CLASP1: variants seen among roughly 807,000 people sequenced by gnomAD.
CLASP1 encodes the protein cytoplasmic linker associated protein 1, also known as CLIP-associating protein 1.
A neutral mutation model predicts 192.3 loss-of-function variants in CLASP1; 38 were observed. That is an observed-to-expected ratio of 0.20 (90% CI 0.15 to 0.26). CLASP1 has a LOEUF of 0.26. Ranked by LOEUF, CLASP1 falls within the 10% of genes least tolerant of loss-of-function variation. CLASP1 has a pLI of 1.00. For synonymous variants in CLASP1, 691 were observed against 712.8 expected (o/e 0.97, Z 0.49); for missense variants, 1,433 against 1,932.5 (o/e 0.74, Z 4.85).
intron 2 of CLASP1, among the ~76,000 whole-genome samples, chr2:121,534,460 G>A (rs1329941504): frequency 3.3e-5 from 5 of 152,194 alleles, no homozygotes; most frequent in Admixed American, 1.3e-4. Context: ...AAAAACACAA[G>A]TCATTTCTGG....
intron 30 of CLASP1, among the ~76,000 whole-genome samples, chr2:121,389,708 A>G (rs548626553): frequency 5.9e-5 from 9 of 152,324 alleles, no homozygotes; most frequent in Non-Finnish European, 1.0e-4. Flanking sequence ...TTAAGAGACA[A>G]TATTTCTTCC....
At chr2:121,530,936 A>T (rs72969388) in intron 2 of CLASP1, 2 of 700,432 alleles carry the variant, frequency 2.9e-6, no homozygotes, top group Non-Finnish European at 5.2e-6. Context: ...TGAGGGCAGT[A>T]CTGCTAACGC....
At chr2:121,385,407 T>C (rs2072978226) in intron 32 of CLASP1, among the ~76,000 whole-genome samples, 1 of 152,238 alleles carries the variant, frequency 6.6e-6, no homozygotes. Flanking sequence ...CTACTGAATA[T>C]TGAAAATAAA....
At chr2:121,373,127 G>A (rs751457897) in intron 34 of CLASP1, among the ~76,000 whole-genome samples, 12 of 152,204 alleles carry the variant, frequency 7.9e-5, no homozygotes, top group African/African-American at 1.9e-4. Flanking sequence ...GAGGTAATTC[G>A]ATCACGGGGG....
At chr2:121,613,970 G>A (rs529969550) in intron 1 of CLASP1, among the ~76,000 whole-genome samples, 1 of 152,178 alleles carries the variant, frequency 6.6e-6, no homozygotes, top group Non-Finnish European at 1.5e-5. Context: ...CTCTACAATG[G>A]TGTCACTCAC....
intron 1 of CLASP1, among the ~76,000 whole-genome samples, chr2:121,627,968 T>C (rs2106186531): frequency 6.6e-6 from 1 of 152,316 alleles, no homozygotes; most frequent in Non-Finnish European, 1.5e-5. Context: ...TTTCAAATAC[T>C]ATGAAATACT....
chr2:121,531,227 T>G (rs189426827), intron 2 of CLASP1, among the ~76,000 whole-genome samples: 1 of 152,196 alleles, frequency 6.6e-6, no homozygotes, highest in Non-Finnish European at 1.5e-5. Context: ...AACTTCCTTA[T>G]GCTGAGTCAG....
At chr2:121,563,326 G>C (rs1011571142) in intron 2 of CLASP1, among the ~76,000 whole-genome samples, 1 of 152,160 alleles carries the variant, frequency 6.6e-6, no homozygotes, top group African/African-American at 2.4e-5. Flanking sequence ...CATTGAAAAA[G>C]GAGATGTATA....
At chr2:121,401,109 T>C (rs2076101407) in intron 28 of CLASP1, among the ~76,000 whole-genome samples, 1 of 152,200 alleles carries the variant, frequency 6.6e-6, no homozygotes, top group Non-Finnish European at 1.5e-5. Context: ...CCTGGACCAA[T>C]GGAAACTCTA....
At position 121,578,829 on chromosome 2, in the gene CLASP1, A is replaced by G. The variant is rs2060826860; in HGVS notation, c.195+26872T>C. 2.6e-5 allele frequency among the ~76,000 whole-genome samples: 4 copies of G among 152,154 alleles called. No individual in the cohort carries two copies. In the South Asian group the frequency reaches 8.3e-4, roughly 31 times the overall value. On this transcript the variant is annotated intron_variant, in intron 2 of 39. Coordinates refer to ENST00000263710, the Ensembl canonical transcript of CLASP1. ...AGCACAAGCATTTGGAAGTGACAGTAAGAGGAATTAAAAACACACACACAC... is the reference window on the plus strand; with the variant it reads ...AGCACAAGCATTTGGAAGTGACAGTGAGAGGAATTAAAAACACACACACAC...
chr2:121,348,434 GCA>G, intron 38 of CLASP1, 76 bp downstream of exon 39: 1 of 1,311,930 alleles, frequency 7.6e-7, no homozygotes, highest in Non-Finnish European at 1.0e-6. Context: ...TGAAGGAGGA[GCA>G]CAAAGCCCTT....
chr2:121,339,778 T>A (rs1369265783), exon 40 of CLASP1: 1 of 152,052 alleles, frequency 6.6e-6, no homozygotes, highest in Non-Finnish European at 1.5e-5. Flanking sequence ...TTTATAAAAT[T>A]AAAAAAAATT....
At chr2:121,390,490 G>A (rs1361374257) in intron 30 of CLASP1, among the ~76,000 whole-genome samples, 1 of 152,180 alleles carries the variant, frequency 6.6e-6, no homozygotes, top group Non-Finnish European at 1.5e-5. Context: ...CCTCATAGAG[G>A]AATTTGAGAG....
At chr2:121,507,588 C>T (rs2093980644) in intron 7 of CLASP1, among the ~76,000 whole-genome samples, 1 of 152,106 alleles carries the variant, frequency 6.6e-6, no homozygotes, top group Non-Finnish European at 1.5e-5. Context: ...GCATCTACCA[C>T]GTTGAAAAAT....
intron 30 of CLASP1, among the ~76,000 whole-genome samples, chr2:121,388,958 A>G (rs2073849937): frequency 1.3e-5 from 2 of 152,220 alleles, no homozygotes; most frequent in Admixed American, 1.3e-4. Context: ...GCTTGCAGAG[A>G]AATTCTTTTG....
intron 2 of CLASP1, among the ~76,000 whole-genome samples, chr2:121,573,899 T>C (rs7599299): frequency 0.25 from 37,938 of 152,158 alleles, 7,515 homozygotes; most frequent in African/African-American, 0.55. Flanking sequence ...TATTTTCTCT[T>C]ACCACACATA....
chr2:121,630,860 CA>C (rs35476221), intron 1 of CLASP1, among the ~76,000 whole-genome samples: 148 of 78,420 alleles, frequency 1.9e-3, no homozygotes, highest in Middle Eastern at 0.011. Flanking sequence ...AACTACGTCT[CA>C]AAAAAAAAAA....
intron 2 of CLASP1, among the ~76,000 whole-genome samples, chr2:121,531,334 G>A (rs1274480197): frequency 6.6e-6 from 1 of 152,146 alleles, no homozygotes; most frequent in East Asian, 1.9e-4. Flanking sequence ...GGTGGCTCAC[G>A]CCTGCAATCC....
At chr2:121,530,522 G>T (rs1028773375) in intron 2 of CLASP1, 197 bp from the exon 3 acceptor site, 3 of 562,406 alleles carry the variant, frequency 5.3e-6, no homozygotes, top group Admixed American at 3.1e-5. Context: ...AGCTATAATG[G>T]AAAATACTCG....
Sources: gnomAD v4.1 joint callset for allele counts (sites outside exome capture counted in the v4.1 genomes callset) on GRCh38, gnomAD v4.1.1 for gene constraint, MANE v1.5 for transcripts, NCBI Gene and HGNC (gene_info 2026-07-23, HGNC 2026-07-21) for gene names.